The following CPXM2 variants were observed in gnomAD, a reference collection of about 807,000 sequenced individuals.
CPXM2 encodes the protein inactive carboxypeptidase-like protein X2.
CPXM2 carries 66 observed loss-of-function variants against 86.1 expected under a neutral mutation model. That is an observed-to-expected ratio of 0.77 (90% CI 0.63 to 0.94). CPXM2 has a LOEUF of 0.94. Among genes scored for constraint, CPXM2 ranks in the 40% least tolerant of loss-of-function variants. CPXM2 has a pLI of 0.00. For synonymous variants in CPXM2, 388 were observed against 400.2 expected (o/e 0.97, Z 0.36); for missense variants, 948 against 1,026.3 (o/e 0.92, Z 1.04).
intron 4 of CPXM2, among the ~76,000 whole-genome samples, chr10:123,823,005 G>A (rs1267525290): frequency 6.6e-6 from 1 of 152,184 alleles, no homozygotes; most frequent in Non-Finnish European, 1.5e-5. Context: ...TTAAATGGCT[G>A]AGCTATATGG....
chr10:123,895,121 C>CTTTTT (rs869104432), upstream of CPXM2, among the ~76,000 whole-genome samples: 39 of 85,888 alleles, frequency 4.5e-4, no homozygotes, highest in Non-Finnish European at 7.0e-4. Flanking sequence ...TCTTTTTTTT[C>CTTTTT]TTTTTTTTTT....
At chr10:123,837,957 A>G (rs12247687) in intron 4 of CPXM2, among the ~76,000 whole-genome samples, 1 of 152,124 alleles carries the variant, frequency 6.6e-6, no homozygotes, top group Non-Finnish European at 1.5e-5. Context: ...GTGCCCATTT[A>G]CCATGGCATG....
intron 2 of CPXM2, among the ~76,000 whole-genome samples, chr10:123,919,723 T>C (rs1291703123): frequency 6.6e-6 from 1 of 152,200 alleles, no homozygotes; most frequent in Non-Finnish European, 1.5e-5. Flanking sequence ...ATAAAGGAAA[T>C]ACCTGGGACT....
In CPXM2 at chr10:123,891,738, G is replaced by A. The variant is rs1945278037; in HGVS notation, c.-79C>T. ...GGGCTGCGGGCGCAGAAGCTGGCGC[G>A]GGGCAAGGGCGCAGGGCACAGCAGA... On this transcript the variant is annotated 5_prime_UTR_variant, in exon 1 of 14. Coordinates refer to ENST00000241305, the MANE Select transcript of CPXM2 (RefSeq NM_198148.3). This position sits in a 1 kb window ranked among gnomAD's most constrained non-coding sequence, Gnocchi z 5.6. The A allele has an allele frequency of 4.4e-6, 5 of 1,136,758 alleles. No individual in the cohort carries two copies. Among genetic ancestry groups the A allele is most frequent in the Non-Finnish European group, 5.7e-6 (5 of 881,572 alleles). The allele number at this position is 1,136,758 out of a possible 1,614,324, so 70.4% of individuals were successfully genotyped here. A position where few individuals can be genotyped will look rare whatever the true frequency, so the allele number is the denominator to read the frequency against.
At chr10:123,878,307 T>C (rs28707278) in intron 2 of CPXM2, among the ~76,000 whole-genome samples, 17,697 of 134,244 alleles carry the variant, frequency 0.13, 1,493 homozygotes, top group Middle Eastern at 0.19. Flanking sequence ...TTTTTTTTTT[T>C]TTTTTTTTTT....
chr10:123,782,414 C>G (rs764280386), intron 6 of CPXM2, among the ~76,000 whole-genome samples: 2 of 152,158 alleles, frequency 1.3e-5, no homozygotes, highest in African/African-American at 4.8e-5. Flanking sequence ...ACTGAGAGCC[C>G]TAAGTACAAA....
At chr10:123,876,032 G>A (rs1002656015) in intron 2 of CPXM2, among the ~76,000 whole-genome samples, 11 of 151,802 alleles carry the variant, frequency 7.2e-5, no homozygotes, top group African/African-American at 2.4e-4. Flanking sequence ...GGCCAGGCTC[G>A]TCTCAAACTC....
chr10:123,930,713 C>T (rs989692308), intron 2 of CPXM2, among the ~76,000 whole-genome samples: 3 of 152,136 alleles, frequency 2.0e-5, no homozygotes, highest in Admixed American at 6.5e-5. Context: ...TTCCCTGTTA[C>T]GGTTAAAGCA....
At chr10:123,789,439 T>C (rs756200369) in intron 6 of CPXM2, among the ~76,000 whole-genome samples, 1 of 152,188 alleles carries the variant, frequency 6.6e-6, no homozygotes, top group Non-Finnish European at 1.5e-5. Flanking sequence ...CCAGGGCCAA[T>C]TTGCAGCTTG....
rs761834399 is a variant in CPXM2 at position 123,807,666 on chromosome 10, T to A, written c.654-8467A>T. Among the ~76,000 whole-genome samples the A allele has an allele frequency of 1.3e-4, 20 of 152,256 alleles. 1 individual carries two copies. Among genetic ancestry groups the A allele is most frequent in the Admixed American group, 1.0e-3 (16 of 15,298 alleles). ...GCAGAGGAAGTCTGCGTGGCTTAGA[T>A]GGAAAAGGAGGAGGGGCAGGTTCGT... is the stretch of plus-strand genomic sequence containing the variant. On this transcript the variant is annotated intron_variant, in intron 4 of 13. Coordinates refer to ENST00000241305, the MANE Select transcript of CPXM2 (RefSeq NM_198148.3).
chr10:123,912,308 C>CGGA lies in CPXM2; in HGVS notation n.174+27168_174+27169insTCC, dbSNP rs1201463574. On this transcript the variant is annotated intron_variant and non_coding_transcript_variant, in intron 2 of 19. Transcript: ENST00000368854. ...TGTGTGTGAGTGTGCAGATGGTGGG[C>CGGA]GGGGGGGGGGGGGCAGGCATTCCTG... Among the ~76,000 whole-genome samples the CGGA allele has an allele frequency of 4.0e-4, 16 of 39,528 alleles. 1 individual carries two copies. The highest frequency in any genetic ancestry group is 1.7e-3 in the African/African-American group (15 of 8,616). 25.9% of individuals were successfully genotyped at this position (39,528 alleles called of 152,430 possible).
At chr10:123,819,893 A>G (rs555066333) in intron 4 of CPXM2, among the ~76,000 whole-genome samples, 1 of 152,330 alleles carries the variant, frequency 6.6e-6, no homozygotes, top group South Asian at 2.1e-4. Context: ...GGAGATTAAC[A>G]TCTGAGTCAG....
intron 4 of CPXM2, among the ~76,000 whole-genome samples, chr10:123,803,075 A>G (rs560200646): frequency 2.0e-4 from 29 of 144,286 alleles, no homozygotes; most frequent in Non-Finnish European, 3.9e-4. Context: ...TATTGCAAAC[A>G]TCTCCTCCAA....
At chr10:123,864,090 G>A (rs971307350) in intron 2 of CPXM2, among the ~76,000 whole-genome samples, 12 of 152,144 alleles carry the variant, frequency 7.9e-5, no homozygotes, top group Non-Finnish European at 1.5e-4. Flanking sequence ...CCTAAGCTGG[G>A]GTTGCTGCCC....
Position 123,880,211 on chromosome 10 carries a change from T to A in CPXM2, c.403A>T (p.Ser135Cys). 8.0e-7 allele frequency: 1 copy of A among 1,242,318 alleles called. No homozygotes were observed. The highest frequency in any genetic ancestry group is 1.1e-6 in the Non-Finnish European group (1 of 907,850). 77.0% of individuals were successfully genotyped at this position (1,242,318 alleles called of 1,614,324 possible). ...VRVAREDVRE[S>C]CPPLGLETLK... Reference sequence around the variant, plus strand: ...GGGGCTCTCCGAGAGCCTCACTTACTCTCTCTGACATCTTCACGGGCCACA... The same window carrying A: ...GGGGCTCTCCGAGAGCCTCACTTACACTCTCTGACATCTTCACGGGCCACA... The change falls in exon 2 of 14, where the codon AGT becomes TGT. Residue 135 changes from serine (S) to cysteine (C), a missense_variant and splice_region_variant. Coordinates refer to ENST00000241305, the MANE Select transcript of CPXM2 (RefSeq NM_198148.3).
intron 4 of CPXM2, among the ~76,000 whole-genome samples, chr10:123,809,604 C>T (rs1847650135): frequency 1.3e-5 from 2 of 152,138 alleles, no homozygotes; most frequent in South Asian, 2.1e-4. Flanking sequence ...CATACACACA[C>T]ACATACATAT....
chr10:123,867,527 C>CTTT (rs34482126), intron 2 of CPXM2, among the ~76,000 whole-genome samples: 578 of 92,670 alleles, frequency 6.2e-3, no homozygotes, highest in South Asian at 0.013. Flanking sequence ...AGATTTCTTT[C>CTTT]TTTTTTTTTT....
At chr10:123,835,360 T>G (rs1332035021) in intron 4 of CPXM2, among the ~76,000 whole-genome samples, 1 of 152,190 alleles carries the variant, frequency 6.6e-6, no homozygotes, top group Non-Finnish European at 1.5e-5. Flanking sequence ...TGAGAGCTCA[T>G]GCCTTCATCA....
intron 2 of CPXM2, among the ~76,000 whole-genome samples, chr10:123,911,420 G>C (rs917747795): frequency 1.3e-5 from 2 of 152,016 alleles, no homozygotes; most frequent in Non-Finnish European, 2.9e-5. Flanking sequence ...CCAGCCTTAG[G>C]GCATCGATGA....
Sources: allele counts gnomAD v4.1 joint callset (sites outside exome capture counted in the v4.1 genomes callset), GRCh38; gene constraint gnomAD v4.1.1; non-coding constraint Gnocchi (gnomAD v3.1); transcripts MANE v1.5; gene names NCBI Gene and HGNC (gene_info 2026-07-23, HGNC 2026-07-21).